NAF1: variants seen among roughly 807,000 people sequenced by gnomAD.
NAF1 encodes the protein nuclear assembly factor 1 ribonucleoprotein, also known as H/ACA ribonucleoprotein complex non-core subunit NAF1.
A neutral mutation model predicts 40.6 loss-of-function variants in NAF1; 11 were observed. The observed-to-expected ratio is 0.27, with a 90% CI of 0.17 to 0.45. The LOEUF is 0.45. Among genes scored for constraint, NAF1 ranks in the 20% least tolerant of loss-of-function variants. The pLI, the probability that NAF1 is intolerant of heterozygous loss-of-function variation, is 1.00. For missense variants in NAF1, 607 were observed against 611.1 expected (o/e 0.99, Z 0.07); for synonymous variants, 260 against 228.5 (o/e 1.14, Z -1.24).
intron 2 of NAF1, among the ~76,000 whole-genome samples, chr4:163,156,439 G>A (rs1261701399): frequency 6.7e-6 from 1 of 149,794 alleles, no homozygotes; most frequent in African/African-American, 2.4e-5. Context: ...AAAGAATGAT[G>A]AGTAGATAGG....
At chr4:163,140,127 C>A in intron 5 of NAF1, 96 bp downstream of exon 5, 1 of 974,672 alleles carries the variant, frequency 1.0e-6, no homozygotes, top group South Asian at 2.1e-5. Flanking sequence ...TTGCAAGACA[C>A]ACACAATATA....
chr4:163,141,434 AT>A (rs538554442), intron 4 of NAF1, among the ~76,000 whole-genome samples: 80 of 152,108 alleles, frequency 5.3e-4, no homozygotes, highest in South Asian at 2.9e-3. Context: ...ATAATACGTT[AT>A]TTTTTTCTTT....
downstream of NAF1, among the ~76,000 whole-genome samples, chr4:163,128,206 T>C (rs1278127892): frequency 6.6e-6 from 1 of 152,142 alleles, no homozygotes; most frequent in Non-Finnish European, 1.5e-5. Flanking sequence ...GAAGACAAAA[T>C]CCCTAAATAG....
At chr4:163,128,472 G>A (rs910999087), downstream of NAF1, among the ~76,000 whole-genome samples, 2 of 151,906 alleles carry the variant, frequency 1.3e-5, no homozygotes, top group African/African-American at 4.8e-5. Context: ...AATTAAAATT[G>A]ATTTCCAAAG....
chr4:163,166,600 G>T lies in NAF1; in HGVS notation c.128C>A (p.Pro43Gln). Residue 43 changes from proline to glutamine, a missense_variant, in exon 1 of 8, where the codon CCG becomes CAG. This residue lies in a region of NAF1 where 407 missense variants were observed against 365.5 expected (regional missense o/e 1.11). Transcript: ENST00000274054. ...GSAPVPGTQP[P>Q]LQSFEGSPDA... ...CGGGGACCCCTCAAACGACTGTAGC[G>T]GCGGCTGTGTCCCTGGCACAGGGGC... 6.2e-7 allele frequency: 1 copy of T among 1,610,558 alleles called. No individual in the cohort carries two copies. The highest frequency in any genetic ancestry group is 8.5e-7 in the Non-Finnish European group (1 of 1,179,266).
chr4:163,151,293 G>T (rs1042094892), intron 2 of NAF1, among the ~76,000 whole-genome samples: 2 of 151,070 alleles, frequency 1.3e-5, no homozygotes, highest in African/African-American at 4.9e-5. Flanking sequence ...TTTGAAACTT[G>T]TGTCACATTT....
At chr4:163,142,055 A>G in intron 4 of NAF1, 1 of 397,426 alleles carries the variant, frequency 2.5e-6, no homozygotes, top group African/African-American at 2.2e-5. Context: ...AAGCTTTAAA[A>G]AAGTGTAAAA....
chr4:163,139,615 AT>A (rs1344659644), intron 5 of NAF1, among the ~76,000 whole-genome samples: 2 of 152,180 alleles, frequency 1.3e-5, no homozygotes, highest in African/African-American at 2.4e-5. Context: ...ATATAAAAAA[AT>A]ATTGCGGTCA....
rs562203677 is a variant in NAF1 at position 163,134,853 on chromosome 4, A to G, written c.931-1597T>C. ...ATAAAATTGGAGAAGCTTACAAAGA[A>G]CCTTATTGTGCCATTTTAAATAATT... On this transcript the variant is annotated intron_variant, in intron 6 of 7. Coordinates refer to ENST00000274054, the MANE Select transcript of NAF1 (RefSeq NM_138386.3). 1.4e-4 allele frequency among the ~76,000 whole-genome samples: 22 copies of G among 152,318 alleles called. No individual in the cohort carries two copies. The South Asian group carries it at 4.6e-3, about 32-fold the overall frequency.
downstream of NAF1, among the ~76,000 whole-genome samples, chr4:163,122,808 A>T (rs1247570049): frequency 6.6e-6 from 1 of 152,200 alleles, no homozygotes; most frequent in Non-Finnish European, 1.5e-5. Flanking sequence ...ACATAGCAAG[A>T]AGGCCTTCAC....
downstream of NAF1, among the ~76,000 whole-genome samples, chr4:163,105,594 T>G (rs1421165888): frequency 6.6e-6 from 1 of 152,220 alleles, no homozygotes; most frequent in African/African-American, 2.4e-5. Flanking sequence ...TGCATAAAAA[T>G]CTGTTGGAAA....
At chr4:163,138,541 T>TAG (rs748890771) in intron 5 of NAF1, among the ~76,000 whole-genome samples, 1 of 152,118 alleles carries the variant, frequency 6.6e-6, no homozygotes, top group Non-Finnish European at 1.5e-5. Context: ...ATAGCCTCAT[T>TAG]AGAGAACAGT....
chr4:163,157,079 A>C (rs1015833526), intron 2 of NAF1: 14 of 152,132 alleles, frequency 9.2e-5, no homozygotes, highest in African/African-American at 3.4e-4. Context: ...AAACATCCCC[A>C]AACACCACAG....
At chr4:163,112,860 T>G (rs1730205329) in intron 2 of NAF1, among the ~76,000 whole-genome samples, 1 of 152,324 alleles carries the variant, frequency 6.6e-6, no homozygotes, top group East Asian at 1.9e-4. Flanking sequence ...GTTATGAAAT[T>G]GTCACCTTGG....
At chr4:163,151,420 A>G (rs1731699861) in intron 2 of NAF1, among the ~76,000 whole-genome samples, 1 of 151,788 alleles carries the variant, frequency 6.6e-6, no homozygotes, top group African/African-American at 2.4e-5. Flanking sequence ...ATTCTTGTAT[A>G]AAAGTGCAGC....
At chr4:163,107,934 G>A (rs1464916126), downstream of NAF1, among the ~76,000 whole-genome samples, 1 of 152,042 alleles carries the variant, frequency 6.6e-6, no homozygotes, top group Non-Finnish European at 1.5e-5. Context: ...TATCCCCTTG[G>A]GGGCGATATT....
chr4:163,121,780 C>T (rs535922074), downstream of NAF1, among the ~76,000 whole-genome samples: 13 of 152,244 alleles, frequency 8.5e-5, no homozygotes, highest in East Asian at 2.5e-3. Context: ...ATACCCTGAG[C>T]AGGTTAAGAT....
intron 4 of NAF1, among the ~76,000 whole-genome samples, chr4:163,143,834 G>T (rs571083242): frequency 6.6e-6 from 1 of 152,262 alleles, no homozygotes; most frequent in South Asian, 2.1e-4. Flanking sequence ...ATTCAACATT[G>T]TCTTTTATCA....
intron 2 of NAF1, among the ~76,000 whole-genome samples, chr4:163,154,037 G>C (rs1235036471): frequency 6.6e-6 from 1 of 152,188 alleles, no homozygotes; most frequent in East Asian, 1.9e-4. Flanking sequence ...AAGGTCTGCA[G>C]CTTCACTCCT....
Sources: gnomAD v4.1 joint callset for allele counts (sites outside exome capture counted in the v4.1 genomes callset) on GRCh38, gnomAD v4.1.1 for gene constraint, gnomAD v4.1.1 regional missense constraint, MANE v1.5 for transcripts, NCBI Gene and HGNC (gene_info 2026-07-23, HGNC 2026-07-21) for gene names.